The following USP31 variants were observed in gnomAD, a reference collection of about 807,000 sequenced individuals.
USP31 encodes ubiquitin specific peptidase 31.
In USP31, 44 loss-of-function variants were observed where a neutral mutation model predicts 119.4. That is an observed-to-expected ratio of 0.37 (90% CI 0.29 to 0.47). USP31 has a LOEUF of 0.47. Ranked by LOEUF, USP31 falls within the 20% of genes least tolerant of loss-of-function variation. USP31 has a pLI of 0.99. For missense variants in USP31, 1,643 were observed against 1,730.2 expected (o/e 0.95, Z 0.89); for synonymous variants, 749 against 705.6 (o/e 1.06, Z -0.97).
chr16:23,087,608 G>T, intron 8 of USP31, 116 bp downstream of exon 8: 3 of 910,042 alleles, frequency 3.3e-6, no homozygotes, highest in Non-Finnish European at 5.0e-6. Flanking sequence ...ATAAAATGAG[G>T]GATAAATTCT....
At chr16:23,077,738 G>C (rs755973045) in intron 13 of USP31, among the ~76,000 whole-genome samples, 13 of 152,222 alleles carry the variant, frequency 8.5e-5, no homozygotes, top group Non-Finnish European at 1.9e-4. Context: ...ACACTCACAC[G>C]GATAATCAAA....
At chr16:23,079,708 C>G in intron 13 of USP31, 1 of 409,420 alleles carries the variant, frequency 2.4e-6, no homozygotes, top group Non-Finnish European at 4.3e-6. Context: ...ACAATGCCAT[C>G]TGCACATACC....
chr16:23,087,119 T>C lies in USP31; in HGVS notation c.1595A>G (p.Gln532Arg). 1 of 1,613,804 alleles carries C rather than the reference T, an allele frequency of 6.2e-7. No individual in the cohort carries two copies. Among genetic ancestry groups the C allele is most frequent in the Middle Eastern group, 1.7e-4 (1 of 6,060 alleles). The change falls in exon 9 of 16, where the codon CAG (glutamine) becomes CGG (arginine). Residue 532 changes from glutamine (Q) to arginine (R), a missense_variant. By Grantham distance (43) the Gln-to-Arg change is conservative. This residue lies in a region of USP31 where 219 missense variants were observed against 226.4 expected (regional missense o/e 0.97). Coordinates refer to ENST00000219689, the MANE Select transcript of USP31 (RefSeq NM_020718.4). Reference protein sequence around the residue: ...GITYLLPQEEQPLCHPIVERA... With the variant: ...GITYLLPQEERPLCHPIVERA... ...TTCTACTATTGGGTGGCACAAGGGCTGCTCCTCCTGGGGCAGCAAATATGT... is the reference window on the plus strand; with the variant it reads ...TTCTACTATTGGGTGGCACAAGGGCCGCTCCTCCTGGGGCAGCAAATATGT...
Position 23,149,228 on chromosome 16 carries a change from C to G in USP31, c.43G>C (p.Ala15Pro). 8.9e-7 allele frequency: 1 copy of G among 1,129,248 alleles called. No individual in the cohort carries two copies. Among genetic ancestry groups the G allele is most frequent in the Non-Finnish European group, 1.1e-6 (1 of 920,654 alleles). The allele number at this position is 1,129,248 out of a possible 1,614,324, so 70.0% of individuals were successfully genotyped here. A position where few individuals can be genotyped will look rare whatever the true frequency, so the allele number is the denominator to read the frequency against. Residue 15 changes from alanine (A) to proline (P), a missense_variant, in exon 1 of 16, where the codon GCG (alanine) becomes CCG (proline). Coordinates refer to ENST00000219689, the MANE Select transcript of USP31 (RefSeq NM_020718.4). ...TAPGSGPPAAASGKEKRSFSK... is the reference protein window; with the variant it reads ...TAPGSGPPAAPSGKEKRSFSK... ...AAGGAGCGCTTCTCCTTCCCGCTCGCCGCCGCCGGCGGCCCGGACCCAGGC... is the reference window on the plus strand; with the variant it reads ...AAGGAGCGCTTCTCCTTCCCGCTCGGCGCCGCCGGCGGCCCGGACCCAGGC...
intron 2 of USP31, among the ~76,000 whole-genome samples, chr16:23,106,735 T>A (rs1355397052): frequency 2.0e-5 from 3 of 152,090 alleles, no homozygotes; most frequent in African/African-American, 4.8e-5. Flanking sequence ...GCAGCTCCCC[T>A]TCCCCAGGAT....
Position 23,072,169 on chromosome 16 carries a change from G to A in USP31, c.2364C>T (p.His788=). 2 of 1,609,704 alleles carry A rather than the reference G, an allele frequency of 1.2e-6. No homozygotes were observed. Among genetic ancestry groups the A allele is most frequent in the Non-Finnish European group, 1.7e-6 (2 of 1,180,010 alleles). ...TGCTGCCCGGGAGCCGGCTCACCCAGTGTTCACACAGGGAAGAACTTGTGG... is the reference window on the plus strand; with the variant it reads ...TGCTGCCCGGGAGCCGGCTCACCCAATGTTCACACAGGGAAGAACTTGTGG... The part of the protein sequence containing the change: ...AGSTSSSLCE[H]WVSRLPGSKP... The change falls in exon 15 of 16, where the codon CAC becomes CAT. Residue 788 remains histidine, a synonymous_variant. Coordinates refer to ENST00000219689, the MANE Select transcript of USP31 (RefSeq NM_020718.4).
rs1037651520 is a variant in USP31 at position 23,102,463 on chromosome 16, T to C, written c.1090A>G (p.Ile364Val). ...SMETKIPTDQ[I>V]VLTEMYYDGF... ...TCATAGTACATTTCTGTTAACACAA[T>C]CTAAAAATAGGAAAAATGTAAACAG... is the stretch of plus-strand genomic sequence containing the variant. The change falls in exon 6 of 16, where the codon ATT (isoleucine) becomes GTT (valine). Residue 364 changes from isoleucine (I) to valine (V), a missense_variant and splice_region_variant. Transcript: ENST00000219689. The C allele has an allele frequency of 6.3e-7, 1 of 1,593,512 alleles. No individual in the cohort carries two copies. The highest frequency in any genetic ancestry group is 1.4e-5 in the African/African-American group (1 of 73,784).
intron 1 of USP31, among the ~76,000 whole-genome samples, chr16:23,136,592 T>C (rs1416131935): frequency 6.7e-6 from 1 of 149,890 alleles, no homozygotes; most frequent in African/African-American, 2.5e-5. Flanking sequence ...AGCCGGAGGC[T>C]GCAGTGAGCT....
At position 23,072,178 on chromosome 16, in the gene USP31, C is replaced by T. The variant is rs766468025; in HGVS notation, c.2355G>A (p.Leu785=). Reference sequence around the variant, plus strand: ...GGAGCCGGCTCACCCAGTGTTCACACAGGGAAGAACTTGTGGAGCCTGCAG... The same window carrying T: ...GGAGCCGGCTCACCCAGTGTTCACATAGGGAAGAACTTGTGGAGCCTGCAG... ...SSVAGSTSSS[L]CEHWVSRLPG... Residue 785 remains leucine, a synonymous_variant, in exon 15 of 16, where the codon CTG becomes CTA. Coordinates refer to ENST00000219689, the MANE Select transcript of USP31 (RefSeq NM_020718.4). 2 of 1,608,656 alleles carry T rather than the reference C, an allele frequency of 1.2e-6. No homozygotes were observed. Among genetic ancestry groups the T allele is most frequent in the Admixed American group, 1.7e-5 (1 of 60,016 alleles).
chr16:23,097,106 A>G (rs548352051), intron 6 of USP31, among the ~76,000 whole-genome samples: 2 of 152,304 alleles, frequency 1.3e-5, no homozygotes, highest in East Asian at 3.9e-4. Flanking sequence ...CAAGACTAAT[A>G]AAGAAAAAAA....
chr16:23,079,869 A>C lies in USP31; in HGVS notation c.2176+77T>G. On this transcript the variant is annotated intron_variant, in intron 13 of 15. Coordinates refer to ENST00000219689, the MANE Select transcript of USP31 (RefSeq NM_020718.4). Reference sequence around the variant, plus strand: ...TACCGGAGGGGAAATGAGGCTCTAAAGTCAAGTCACCCTGCCACAAGCAAA... The same window carrying C: ...TACCGGAGGGGAAATGAGGCTCTAACGTCAAGTCACCCTGCCACAAGCAAA... 3 of 1,374,238 alleles carry C rather than the reference A, an allele frequency of 2.2e-6. 1 individual carries two copies. Among genetic ancestry groups the C allele is most frequent in the Non-Finnish European group, 2.9e-6 (3 of 1,034,650 alleles). The allele number at this position is 1,374,238 out of a possible 1,614,324, so 85.1% of individuals were successfully genotyped here.
intron 5 of USP31, among the ~76,000 whole-genome samples, chr16:23,104,814 C>G (rs900022096): frequency 1.3e-5 from 2 of 152,214 alleles, no homozygotes; most frequent in Admixed American, 6.5e-5. Flanking sequence ...TGAGTAAAAG[C>G]TATATGCAAA....
chr16:23,082,439 T>C lies in USP31; in HGVS notation c.1949A>G (p.Gln650Arg). The C allele has an allele frequency of 1.2e-6, 2 of 1,613,934 alleles. No homozygotes were observed. The highest frequency in any genetic ancestry group is 1.7e-6 in the Non-Finnish European group (2 of 1,179,848). Residue 650 changes from glutamine (Q) to arginine (R), a missense_variant and splice_region_variant, in exon 12 of 16, where the codon CAG (glutamine) becomes CGG (arginine). By Grantham distance (43) the Gln-to-Arg change is conservative. Coordinates refer to ENST00000219689, the MANE Select transcript of USP31 (RefSeq NM_020718.4). ...CCTGAGGATAAAGGATTTCCATACC[T>C]GCCGAAATCTCTTTAGATGTATAAT... Reference protein sequence around the residue: ...VLIIHLKRFRQEGDRRMKLQN... With the variant: ...VLIIHLKRFRREGDRRMKLQN...
At chr16:23,146,845 T>A (rs973385590) in intron 1 of USP31, among the ~76,000 whole-genome samples, 1 of 152,028 alleles carries the variant, frequency 6.6e-6, no homozygotes, top group Non-Finnish European at 1.5e-5. Flanking sequence ...ATAGCACCAA[T>A]GGGAAACCAG....
chr16:23,079,733 C>T, intron 13 of USP31: 1 of 484,020 alleles, frequency 2.1e-6, no homozygotes, highest in Non-Finnish European at 3.6e-6. Flanking sequence ...CCCAATCAGT[C>T]AGCTACCTAC....
At chr16:23,119,630 T>A (rs1902603906) in intron 1 of USP31, among the ~76,000 whole-genome samples, 1 of 152,206 alleles carries the variant, frequency 6.6e-6, no homozygotes, top group Non-Finnish European at 1.5e-5. Context: ...CTTAAATAAC[T>A]CCTTGTTTAG....
At position 23,149,052 on chromosome 16, in the gene USP31, G is replaced by A; in HGVS notation, c.219C>T (p.Ser73=). ...CCTCAGAGCTAAGGTGCGAGAGCGT[G>A]GACAGCGTCTTGAGAACGCGGCTCA... The part of the protein sequence containing the change: ...SFMSRVLKTL[S]TLSHLSSEGA... The change falls in exon 1 of 16, where the codon TCC becomes TCT. Residue 73 remains serine (S), a synonymous_variant. Coordinates refer to ENST00000219689, the MANE Select transcript of USP31 (RefSeq NM_020718.4). 8.0e-7 allele frequency: 1 copy of A among 1,253,904 alleles called. No homozygotes were observed. Among genetic ancestry groups the A allele is most frequent in the Non-Finnish European group, 1.0e-6 (1 of 973,974 alleles). The allele number at this position is 1,253,904 out of a possible 1,614,324, so 77.7% of individuals were successfully genotyped here.
At chr16:23,069,645 G>A (rs750430934) in intron 15 of USP31, 29 bp from the exon 16 acceptor site, 1 of 1,563,244 alleles carries the variant, frequency 6.4e-7, no homozygotes, top group Non-Finnish European at 8.7e-7. Flanking sequence ...ATACTGTTAA[G>A]TTAAGCCAAT....
chr16:23,081,880 T>C (rs999191779), intron 12 of USP31, among the ~76,000 whole-genome samples: 1 of 152,222 alleles, frequency 6.6e-6, no homozygotes, highest in Non-Finnish European at 1.5e-5. Flanking sequence ...AAAAGCTTGC[T>C]CATCTTTCAG....
Sources: allele counts gnomAD v4.1 joint callset (sites outside exome capture counted in the v4.1 genomes callset), GRCh38; gene constraint gnomAD v4.1.1; regional missense constraint gnomAD v4.1.1; transcripts MANE v1.5; gene names NCBI Gene and HGNC (gene_info 2026-07-23, HGNC 2026-07-21).